Variants in KCNQ1 observed in about 807,000 individuals in gnomAD.
KCNQ1 encodes the protein potassium voltage-gated channel subfamily Q member 1, also known as potassium voltage-gated channel subfamily KQT member 1.
KCNQ1 carries 49 observed loss-of-function variants against 72.4 expected under a neutral mutation model. That is an observed-to-expected ratio of 0.68 (90% CI 0.54 to 0.86). KCNQ1 has a LOEUF of 0.86. Ranked by LOEUF, KCNQ1 falls within the 40% of genes least tolerant of loss-of-function variation. The pLI is 0.00. For synonymous variants in KCNQ1, 450 were observed against 412.6 expected (o/e 1.09, Z -1.10); for missense variants, 790 against 945.1 (o/e 0.84, Z 2.15).
In KCNQ1 at chr11:2,813,809, T is replaced by C. The variant is rs1421682137; in HGVS notation, c.1795-33958T>C. 6.6e-6 allele frequency among the ~76,000 whole-genome samples: 1 copy of C among 151,834 alleles called. No individual in the cohort carries two copies. Among genetic ancestry groups the C allele is most frequent in the East Asian group, 1.9e-4 (1 of 5,154 alleles). On this transcript the variant is annotated intron_variant, in intron 15 of 15. Transcript: ENST00000155840. This position sits in a 1 kb window ranked among gnomAD's most constrained non-coding sequence, Gnocchi z 4.4. ...ACATAGGCCTGGGGTGTGGGGAGCA[T>C]TAATGAGTGTGAGTGAGTGGCGGAT...
intron 10 of KCNQ1, chr11:2,619,143 C>T (rs1019201191): frequency 7.5e-6 from 3 of 398,442 alleles, no homozygotes; most frequent in Non-Finnish European, 1.3e-5. Context: ...TTACTTCTTA[C>T]TTCCTGATTT....
Position 2,848,481 on chromosome 11 carries a change from C to T in KCNQ1, c.*478C>T, listed in dbSNP as rs564155427. On this transcript the variant is annotated 3_prime_UTR_variant, in exon 16 of 16. Coordinates refer to ENST00000155840, the MANE Select transcript of KCNQ1 (RefSeq NM_000218.3). The stretch of plus-strand genomic sequence containing the variant: ...GACCAGCCCACGCTGACTACAGGGC[C>T]GCCGGCAATAAAAGCCCAGGAGCCC... 8.3e-5 allele frequency: 38 copies of T among 458,182 alleles called. No individual in the cohort carries two copies. The highest frequency in any genetic ancestry group is 6.4e-4 in the African/African-American group (32 of 50,284). The allele number at this position is 458,182 out of a possible 1,614,324, so 28.4% of individuals were successfully genotyped here. A position where few individuals can be genotyped will look rare whatever the true frequency, so the allele number is the denominator to read the frequency against.
chr11:2,622,542 A>G, intron 10 of KCNQ1: 1 of 398,482 alleles, frequency 2.5e-6, no homozygotes, highest in Non-Finnish European at 4.4e-6. Flanking sequence ...ACTTACATTT[A>G]AAGTACTTAC....
intron 10 of KCNQ1, chr11:2,649,167 G>A: frequency 2.5e-6 from 1 of 397,754 alleles, no homozygotes; most frequent in Non-Finnish European, 4.4e-6. Flanking sequence ...AATTCATTTA[G>A]CCAGTATCTA....
chr11:2,784,167 G>T lies in KCNQ1; in HGVS notation c.1794+6130G>T, dbSNP rs1846873822. ...CATTTCGGTCTATATTTACTTTGAG[G>T]TAATTTTGGGGTATGATATGAAGTA... On this transcript the variant is annotated intron_variant, in intron 15 of 15. Coordinates refer to ENST00000155840, the MANE Select transcript of KCNQ1 (RefSeq NM_000218.3). This position sits in a 1 kb window ranked among gnomAD's most constrained non-coding sequence, Gnocchi z 4.7. Among the ~76,000 whole-genome samples the T allele has an allele frequency of 6.6e-6, 1 of 151,764 alleles. No homozygotes were observed. Among genetic ancestry groups the T allele is most frequent in the Non-Finnish European group, 1.5e-5 (1 of 67,802 alleles).
At chr11:2,728,636 A>C (rs1380998773) in intron 11 of KCNQ1, among the ~76,000 whole-genome samples, 1 of 152,348 alleles carries the variant, frequency 6.6e-6, no homozygotes, top group East Asian at 1.9e-4. Context: ...TCCTCCCAGA[A>C]GCTGGCCTAC....
intron 10 of KCNQ1, chr11:2,610,157 A>G: frequency 2.5e-6 from 1 of 397,264 alleles, no homozygotes; most frequent in Non-Finnish European, 4.4e-6. Context: ...TTCTTTTATG[A>G]TTCTTCAATA....
chr11:2,742,316 A>C (rs1280360079), intron 11 of KCNQ1, among the ~76,000 whole-genome samples: 2 of 152,192 alleles, frequency 1.3e-5, no homozygotes, highest in Non-Finnish European at 2.9e-5. Flanking sequence ...CCAAGATCAG[A>C]TACATCAGCT....
At position 2,768,334 on chromosome 11, in the gene KCNQ1, A is replaced by G. The variant is rs143028095; in HGVS notation, c.1515-510A>G. Among the ~76,000 whole-genome samples, 68 of 152,316 alleles carry G rather than the reference A, an allele frequency of 4.5e-4. No homozygotes were observed. Among genetic ancestry groups the G allele is most frequent in the African/African-American group, 1.6e-3 (66 of 41,566 alleles). ...AAAAACAGCGCAGCCCCCTTAACAG[A>G]GTGGCTCTGGTGGCAACTTTCCCTT... On this transcript the variant is annotated intron_variant, in intron 11 of 15. Coordinates refer to ENST00000155840, the MANE Select transcript of KCNQ1 (RefSeq NM_000218.3). The surrounding 1 kb of genome is among the most constrained non-coding windows in gnomAD (Gnocchi z 6.7).
chr11:2,552,237 T>A (rs1278315600), intron 2 of KCNQ1, among the ~76,000 whole-genome samples: 1 of 152,252 alleles, frequency 6.6e-6, no homozygotes, highest in Non-Finnish European at 1.5e-5. Flanking sequence ...TTCACATTTC[T>A]TGTTTAGATC....
chr11:2,709,353 C>T (rs917221820), intron 11 of KCNQ1, among the ~76,000 whole-genome samples: 3 of 151,264 alleles, frequency 2.0e-5, no homozygotes, highest in Non-Finnish European at 4.4e-5. Context: ...ACGCCAGGAC[C>T]TGCGGGGGCT....
chr11:2,769,459 G>C lies in KCNQ1; in HGVS notation c.1590+540G>C, dbSNP rs1306731856. 6.6e-6 allele frequency among the ~76,000 whole-genome samples: 1 copy of C among 152,156 alleles called. No homozygotes were observed. The highest frequency in any genetic ancestry group is 1.5e-5 in the Non-Finnish European group (1 of 68,036). On this transcript the variant is annotated intron_variant, in intron 12 of 15. Transcript: ENST00000155840. This position sits in a 1 kb window ranked among gnomAD's most constrained non-coding sequence, Gnocchi z 4.6. The stretch of plus-strand genomic sequence containing the variant: ...GGGTCCCCTTGGCCAGGTGAGGCTG[G>C]AGCTCCAGGGCTTCCATAAGCTGCC...
chr11:2,843,617 G>A (rs546523999), intron 15 of KCNQ1, among the ~76,000 whole-genome samples: 1 of 152,390 alleles, frequency 6.6e-6, no homozygotes, highest in Admixed American at 6.5e-5. Flanking sequence ...CACGAGGCCA[G>A]GGCCTTTGGC....
At chr11:2,741,490 G>A (rs1846049402) in intron 11 of KCNQ1, among the ~76,000 whole-genome samples, 1 of 152,150 alleles carries the variant, frequency 6.6e-6, no homozygotes, top group South Asian at 2.1e-4. Context: ...CACACCTGGT[G>A]CCTGTCCCCT....
intron 15 of KCNQ1, among the ~76,000 whole-genome samples, chr11:2,823,598 C>A (rs989031612): frequency 6.6e-6 from 1 of 152,218 alleles, no homozygotes; most frequent in African/African-American, 2.4e-5. Context: ...GCAGCCCAGG[C>A]AGGAGCAGAG....
chr11:2,653,646 A>G lies in KCNQ1; in HGVS notation c.1394-8315A>G. 2.5e-6 allele frequency: 1 copy of G among 398,642 alleles called. No individual in the cohort carries two copies. Among genetic ancestry groups the G allele is most frequent in the Non-Finnish European group, 4.4e-6 (1 of 226,078 alleles). 24.7% of individuals were successfully genotyped at this position (398,642 alleles called of 1,614,324 possible). ...TATCCTTAGGCAGCTACTTTCTAAA[A>G]GGGGCAAAATGGCCACCAGCTTGCA... is the stretch of plus-strand genomic sequence containing the variant. On this transcript the variant is annotated intron_variant, in intron 10 of 15. Coordinates refer to ENST00000155840, the MANE Select transcript of KCNQ1 (RefSeq NM_000218.3). This position sits in a 1 kb window ranked among gnomAD's most constrained non-coding sequence, Gnocchi z 5.3.
At chr11:2,709,220 G>GCCCCCCCCCCCCCCCCC in intron 11 of KCNQ1, among the ~76,000 whole-genome samples, 159 of 130,044 alleles carry the variant, frequency 1.2e-3, no homozygotes, top group South Asian at 3.2e-3. Context: ...CGGCTTCCAG[G>GCCCCCCCCCCCCCCCCC]CCCCCCCCAC....
At chr11:2,575,254 G>A (rs947785084) in intron 6 of KCNQ1, among the ~76,000 whole-genome samples, 3 of 152,182 alleles carry the variant, frequency 2.0e-5, no homozygotes, top group Non-Finnish European at 4.4e-5. Flanking sequence ...CTTTGTGCCC[G>A]GCTTGGCATC....
rs977571449 is a variant in KCNQ1 at position 2,809,975 on chromosome 11, A to C, written c.1794+31938A>C. On this transcript the variant is annotated intron_variant, in intron 15 of 15. Transcript: ENST00000155840. This position sits in a 1 kb window ranked among gnomAD's most constrained non-coding sequence, Gnocchi z 7.1. ...GGCCTTACTGATAAGAACTGTGTGG[A>C]AGGTAAGCATTCAAAGTTCTTACAT... Among the ~76,000 whole-genome samples, 4 of 152,138 alleles carry C rather than the reference A, an allele frequency of 2.6e-5. No individual in the cohort carries two copies. Among genetic ancestry groups the C allele is most frequent in the African/African-American group, 9.7e-5 (4 of 41,410 alleles).
Sources: gnomAD v4.1 joint callset for allele counts (sites outside exome capture counted in the v4.1 genomes callset) on GRCh38, gnomAD v4.1.1 for gene constraint, Gnocchi (gnomAD v3.1) non-coding constraint, MANE v1.5 for transcripts, NCBI Gene and HGNC (gene_info 2026-07-23, HGNC 2026-07-21) for gene names.